Variants in CPSF6 observed in about 807,000 individuals in gnomAD.
CPSF6 encodes the protein cleavage and polyadenylation specific factor 6.
CPSF6 carries 10 observed loss-of-function variants against 56.7 expected under a neutral mutation model. The observed-to-expected ratio is 0.18, with a 90% CI of 0.11 to 0.30. The LOEUF (loss-of-function observed/expected upper bound fraction) is 0.30. CPSF6 is among the 10% of genes least tolerant of loss of function. The probability of loss-of-function intolerance (pLI) is 1.00; values close to 1 mark genes in which losing one functional copy is unlikely to be tolerated. For missense variants in CPSF6, 419 were observed against 722.9 expected (o/e 0.58, Z 4.82); for synonymous variants, 248 against 244.8 (o/e 1.01, Z -0.12).
intron 8 of CPSF6, among the ~76,000 whole-genome samples, chr12:69,261,541 G>A (rs1872741004): frequency 6.6e-6 from 1 of 151,924 alleles, no homozygotes; most frequent in Non-Finnish European, 1.5e-5. Flanking sequence ...CTCCAGCCTG[G>A]GTGACAGAGA....
At chr12:69,260,751 T>A (rs573377003) in intron 8 of CPSF6, among the ~76,000 whole-genome samples, 1 of 152,352 alleles carries the variant, frequency 6.6e-6, no homozygotes, top group South Asian at 2.1e-4. Context: ...TGTTGAATGA[T>A]GGCAGGGGAT....
At position 69,259,417 on chromosome 12, in the gene CPSF6, T is replaced by G; in HGVS notation, c.1200-11T>G. The G allele has an allele frequency of 1.2e-6, 2 of 1,609,150 alleles. No homozygotes were observed. The highest frequency in any genetic ancestry group is 1.7e-6 in the Non-Finnish European group (2 of 1,178,126). ...TGAGTATGAGTTAAGGTTTATGTTTTTGTTTTACAGGGAAATGGATACTGC... is the reference window on the plus strand; with the variant it reads ...TGAGTATGAGTTAAGGTTTATGTTTGTGTTTTACAGGGAAATGGATACTGC... On this transcript the variant is annotated splice_polypyrimidine_tract_variant and intron_variant, in intron 6 of 9. Transcript: ENST00000435070.
intron 6 of CPSF6, 25 bp downstream of exon 6, chr12:69,259,119 G>C (rs1436635328): frequency 6.4e-7 from 1 of 1,573,754 alleles, no homozygotes; most frequent in Non-Finnish European, 8.6e-7. Context: ...ATCTGTGAAA[G>C]TACTTGATGA....
intron 8 of CPSF6, among the ~76,000 whole-genome samples, chr12:69,261,400 C>CA (rs934048862): frequency 1.3e-5 from 2 of 151,752 alleles, no homozygotes; most frequent in East Asian, 3.9e-4. Context: ...AGTTTTTCTA[C>CA]AAAAAAATTT....
rs768625088 is a variant in CPSF6, at chr12:69,273,621, G to T, written c.*4113G>T. The T allele has an allele frequency of 1.3e-5, 2 of 151,766 alleles. No individual in the cohort carries two copies. The highest frequency in any genetic ancestry group is 2.4e-5 in the African/African-American group (1 of 41,350). The allele number at this position is 151,766 out of a possible 1,614,324, so 9.4% of individuals were successfully genotyped here. A position where few individuals can be genotyped will look rare whatever the true frequency, so the allele number is the denominator to read the frequency against. On this transcript the variant is annotated 3_prime_UTR_variant, in exon 10 of 10. Coordinates refer to ENST00000435070, the MANE Select transcript of CPSF6 (RefSeq NM_007007.3). ...GTTTTGAAAGTGTGTTCTTTTTGTC[G>T]CACTGTTACTGCGTAACACTTCTCA... is the stretch of plus-strand genomic sequence containing the variant.
intron 1 of CPSF6, among the ~76,000 whole-genome samples, chr12:69,242,077 C>G (rs754220157): frequency 6.6e-6 from 1 of 152,150 alleles, no homozygotes; most frequent in East Asian, 1.9e-4. Flanking sequence ...TTAATCTTTA[C>G]TAGCTGGCGA....
chr12:69,239,771 G>GGCCCGCT (rs1399094325), intron 1 of CPSF6, 65 bp downstream of exon 1: 48 of 1,438,232 alleles, frequency 3.3e-5, no homozygotes, highest in Non-Finnish European at 4.3e-5. Context: ...GCTGACCCGG[G>GGCCCGCT]GCCCGCTGCG....
At chr12:69,259,916 T>C in intron 7 of CPSF6, 128 bp from the exon 8 acceptor site, 1 of 912,086 alleles carries the variant, frequency 1.1e-6, no homozygotes, top group Non-Finnish European at 1.6e-6. Flanking sequence ...AAAGAAGACA[T>C]TGTCTTGCAT....
At chr12:69,266,378 A>C (rs370907534) in intron 9 of CPSF6, among the ~76,000 whole-genome samples, 28 of 152,334 alleles carry the variant, frequency 1.8e-4, no homozygotes, top group African/African-American at 6.5e-4. Context: ...AAGAGGGAGT[A>C]GGAAGTGATC....
chr12:69,272,889 T>TGTGTGG lies in CPSF6; in HGVS notation c.*3386_*3387insGGTGTG. ...CTTACAGTGTGTGTGTGTGTGTGTG[T>TGTGTGG]GTGTGTGTATGCGTTTTTTTAACCT... On this transcript the variant is annotated 3_prime_UTR_variant, in exon 10 of 10. Coordinates refer to ENST00000435070, the MANE Select transcript of CPSF6 (RefSeq NM_007007.3). The TGTGTGG allele has an allele frequency of 4.7e-6, 1 of 214,098 alleles. No homozygotes were observed. The highest frequency in any genetic ancestry group is 6.4e-5 in the South Asian group (1 of 15,748). 13.3% of individuals were successfully genotyped at this position (214,098 alleles called of 1,614,324 possible). A position where few individuals can be genotyped will look rare whatever the true frequency, so the allele number is the denominator to read the frequency against.
chr12:69,256,240 T>C (rs550484579), intron 3 of CPSF6, among the ~76,000 whole-genome samples: 2 of 152,260 alleles, frequency 1.3e-5, no homozygotes, highest in Admixed American at 6.5e-5. Context: ...ATGGGAGCGA[T>C]GGCTAATGGA....
intron 1 of CPSF6, among the ~76,000 whole-genome samples, chr12:69,247,909 C>T (rs1367494549): frequency 6.6e-6 from 1 of 152,058 alleles, no homozygotes; most frequent in Non-Finnish European, 1.5e-5. Flanking sequence ...AAATGTATAC[C>T]ATTGGGGCTA....
At chr12:69,249,252 CAG>C (rs1017948238) in intron 1 of CPSF6, among the ~76,000 whole-genome samples, 1 of 143,908 alleles carries the variant, frequency 6.9e-6, no homozygotes, top group African/African-American at 2.6e-5. Context: ...GCCTGGGCGA[CAG>C]AGCAAGACTC....
chr12:69,253,599 A>G (rs141869706), intron 3 of CPSF6, among the ~76,000 whole-genome samples: 1 of 152,304 alleles, frequency 6.6e-6, no homozygotes, highest in East Asian at 1.9e-4. Context: ...AAAAGTAAGA[A>G]AATAAAATAC....
In CPSF6 at chr12:69,271,799, A is replaced by T. The variant is rs1461389573; in HGVS notation, c.*2291A>T. 1 of 151,644 alleles carries T rather than the reference A, an allele frequency of 6.6e-6. No individual in the cohort carries two copies. Among genetic ancestry groups the T allele is most frequent in the African/African-American group, 2.4e-5 (1 of 41,368 alleles). 9.4% of individuals were successfully genotyped at this position (151,644 alleles called of 1,614,324 possible). On this transcript the variant is annotated 3_prime_UTR_variant, in exon 10 of 10. Transcript: ENST00000435070. ...TTGTTTTGTTCTTCATACCCCCTTC[A>T]GTTGTTTATGGGTTAATGTTATTTG...
chr12:69,253,201 GTTTT>G, intron 3 of CPSF6, 47 bp downstream of exon 3: 1 of 947,692 alleles, frequency 1.1e-6, no homozygotes, highest in Non-Finnish European at 1.6e-6. Context: ...TAGTGATACA[GTTTT>G]TACAAGTTAA....
chr12:69,252,247 A>G lies in CPSF6; in HGVS notation c.271-804A>G, dbSNP rs1421125986. On this transcript the variant is annotated intron_variant, in intron 2 of 9. Coordinates refer to ENST00000435070, the MANE Select transcript of CPSF6 (RefSeq NM_007007.3). ...TGTCACTCTGCCTGGCTAATTAAAA[A>G]CAAAACAAACACTTTTGTAGAGCTG... The G allele has an allele frequency of 1.2e-5, 3 of 250,680 alleles. No homozygotes were observed. The East Asian group carries it at 3.4e-4, about 28-fold the overall frequency. 15.5% of individuals were successfully genotyped at this position (250,680 alleles called of 1,614,324 possible). A position where few individuals can be genotyped will look rare whatever the true frequency, so the allele number is the denominator to read the frequency against.
At chr12:69,264,649 A>G (rs1872889708) in intron 9 of CPSF6, among the ~76,000 whole-genome samples, 1 of 152,144 alleles carries the variant, frequency 6.6e-6, no homozygotes, top group Admixed American at 6.5e-5. Context: ...ATGTGCCTTC[A>G]TCCAAGAAAA....
intron 1 of CPSF6, 101 bp downstream of exon 1, chr12:69,239,807 T>C: frequency 8.9e-7 from 1 of 1,121,132 alleles, no homozygotes; most frequent in Non-Finnish European, 1.2e-6. Flanking sequence ...GACTGCAGAG[T>C]GTGCGCCCTT....
Sources: gnomAD v4.1 joint callset for allele counts (sites outside exome capture counted in the v4.1 genomes callset) on GRCh38, gnomAD v4.1.1 for gene constraint, MANE v1.5 for transcripts, NCBI Gene and HGNC (gene_info 2026-07-23, HGNC 2026-07-21) for gene names.